MTMR10: variants seen among roughly 807,000 people sequenced by gnomAD.
MTMR10 encodes myotubularin related protein 10, also known as myotubularin-related protein 10.
Under a neutral mutation model 88.1 loss-of-function variants are expected in MTMR10, and 56 were observed. The ratio of observed to expected loss-of-function variants is 0.64; its 90% CI spans 0.51 to 0.79. MTMR10 has a LOEUF of 0.79. Ranked by LOEUF, MTMR10 falls within the 30% of genes least tolerant of loss-of-function variation. The pLI, the probability that MTMR10 is intolerant of heterozygous loss-of-function variation, is 0.00. For synonymous variants in MTMR10, 380 were observed against 340.9 expected, an observed-to-expected ratio of 1.11 and a Z score of -1.26; for missense variants, 883 against 924.7, an observed-to-expected ratio of 0.95 and a Z score of 0.58.
chr15:30,981,753 G>A (rs914362753), intron 2 of MTMR10, among the ~76,000 whole-genome samples: 1 of 152,080 alleles, frequency 6.6e-6, no homozygotes. Flanking sequence ...ATATTTCTAT[G>A]TTTAAAGAGC....
rs986167948 is a variant in MTMR10 at position 30,940,710 on chromosome 15, T to C, written c.*760A>G. The C allele has an allele frequency of 7.1e-6, 7 of 988,566 alleles. No individual in the cohort carries two copies. Among genetic ancestry groups the C allele is most frequent in the Non-Finnish European group, 8.4e-6 (7 of 832,246 alleles). 61.2% of individuals were successfully genotyped at this position (988,566 alleles called of 1,614,324 possible). A position where few individuals can be genotyped will look rare whatever the true frequency, so the allele number is the denominator to read the frequency against. ...ACAAGACTCTGGGGACTCCTGGCTATGAAGCTTAGTATGAAAAGCCTATTT... is the reference window on the plus strand; with the variant it reads ...ACAAGACTCTGGGGACTCCTGGCTACGAAGCTTAGTATGAAAAGCCTATTT... On this transcript the variant is annotated 3_prime_UTR_variant, in exon 16 of 16. Coordinates refer to ENST00000435680, the MANE Select transcript of MTMR10 (RefSeq NM_017762.3).
the MTMR10 span, among the ~76,000 whole-genome samples, chr15:30,933,914 TC>T: frequency 3.3e-5 from 5 of 152,110 alleles, no homozygotes; most frequent in African/African-American, 1.2e-4. Context: ...GCATGCACCA[TC>T]ATGCCCAGCT....
intron 7 of MTMR10, among the ~76,000 whole-genome samples, chr15:30,960,134 TAAC>T (rs1467326220): frequency 6.6e-6 from 1 of 152,164 alleles, no homozygotes; most frequent in African/African-American, 2.4e-5. Flanking sequence ...CTTAGTGAAA[TAAC>T]GATCTGAGCA....
At chr15:30,955,859 TAGG>T (rs1394055605) in intron 9 of MTMR10, among the ~76,000 whole-genome samples, 1 of 152,092 alleles carries the variant, frequency 6.6e-6, no homozygotes, top group African/African-American at 2.4e-5. Context: ...CCTCTATTCT[TAGG>T]AGAGAATGGG....
rs1566941643 is a variant in MTMR10, at chr15:30,941,294, C to CTCTTAAAATAAGTGTGAAAGAAGCATGAT, written c.*147_*175dup. The CTCTTAAAATAAGTGTGAAAGAAGCATGAT allele has an allele frequency of 1.3e-6, 2 of 1,514,102 alleles. No homozygotes were observed. The highest frequency in any genetic ancestry group is 2.5e-5 in the East Asian group (1 of 39,244). The allele number at this position is 1,514,102 out of a possible 1,614,324, so 93.8% of individuals were successfully genotyped here. A position where few individuals can be genotyped will look rare whatever the true frequency, so the allele number is the denominator to read the frequency against. ...GAGGACAGGAACAAAATTTACATCT[C>CTCTTAAAATAAGTGTGAAAGAAGCATGAT]TCTTAAAATAAGTGTGAAAGAAGCA... On this transcript the variant is annotated 3_prime_UTR_variant, in exon 16 of 16. Transcript: ENST00000435680.
intron 2 of MTMR10, among the ~76,000 whole-genome samples, chr15:30,979,137 C>G (rs2030373409): frequency 6.6e-6 from 1 of 152,142 alleles, no homozygotes; most frequent in African/African-American, 2.4e-5. Flanking sequence ...GACTTCTTTA[C>G]ACGGAATCAT....
chr15:30,965,701 C>G (rs891495040), intron 6 of MTMR10, among the ~76,000 whole-genome samples: 1 of 152,176 alleles, frequency 6.6e-6, no homozygotes, highest in Non-Finnish European at 1.5e-5. Flanking sequence ...AGGATATTCA[C>G]AGAAGTGTTG....
intron 9 of MTMR10, chr15:30,956,140 T>A (rs1012440333): frequency 1.3e-5 from 2 of 152,186 alleles, no homozygotes; most frequent in Non-Finnish European, 1.5e-5. Flanking sequence ...CTATGCACCT[T>A]TATGTGTATG....
Position 30,976,842 on chromosome 15 carries a change from T to C in MTMR10, c.235A>G (p.Thr79Ala), listed in dbSNP as rs2030190264. The C allele has an allele frequency of 1.2e-6, 2 of 1,613,810 alleles. No individual in the cohort carries two copies. The highest frequency in any genetic ancestry group is 1.3e-5 in the African/African-American group (1 of 74,932). ...ICSNFKISFITDDPMPLQKFH... is the reference protein window; with the variant it reads ...ICSNFKISFIADDPMPLQKFH... ...ACCTGTAATGGCATTGGGTCATCTGTAATAAAGGAGATTTTGAAGTTACTG... is the reference window on the plus strand; with the variant it reads ...ACCTGTAATGGCATTGGGTCATCTGCAATAAAGGAGATTTTGAAGTTACTG... The change falls in exon 3 of 16, where the codon ACA becomes GCA. Residue 79 changes from threonine to alanine, a missense_variant. Coordinates refer to ENST00000435680, the MANE Select transcript of MTMR10 (RefSeq NM_017762.3).
At chr15:30,942,643 A>G in intron 15 of MTMR10, 1 of 460,900 alleles carries the variant, frequency 2.2e-6, no homozygotes, top group Non-Finnish European at 3.8e-6. Context: ...ATGGGGCTTT[A>G]GTAAATCAGG....
At position 30,955,304 on chromosome 15, in the gene MTMR10, A is replaced by T. The variant is rs541434675; in HGVS notation, c.936-411T>A. 1.1e-3 allele frequency among the ~76,000 whole-genome samples: 161 copies of T among 152,186 alleles called. 2 individuals carry two copies. Among genetic ancestry groups the T allele is most frequent in the African/African-American group, 3.7e-3 (155 of 41,526 alleles). ...TTTTCTTTTTGAGACGGAGTCTCAT[A>T]CTGTCGCCCAGGCTGGAGTGCAGTG... On this transcript the variant is annotated intron_variant, in intron 9 of 15. Transcript: ENST00000435680.
intron 12 of MTMR10, chr15:30,950,485 C>G (rs2063228998): frequency 6.6e-6 from 1 of 152,096 alleles, no homozygotes; most frequent in African/African-American, 2.4e-5. Context: ...GCCTGGCCAA[C>G]AAGGTGAAAC....
intron 1 of MTMR10, 28 bp downstream of exon 1, chr15:30,991,419 C>A: frequency 4.1e-6 from 6 of 1,464,796 alleles, no homozygotes; most frequent in Non-Finnish European, 5.4e-6. Flanking sequence ...AGAGGAGAGT[C>A]GGGCGCTCGC....
At position 30,953,582 on chromosome 15, in the gene MTMR10, A is replaced by G. The variant is rs2063281049; in HGVS notation, c.1116T>C (p.Thr372=). 5 of 1,546,026 alleles carry G rather than the reference A, an allele frequency of 3.2e-6. No homozygotes were observed. In the East Asian group the frequency reaches 7.3e-5, roughly 23 times the overall value. The change falls in exon 11 of 16, where the codon ACT becomes ACC. Residue 372 remains threonine (T), a synonymous_variant. Coordinates refer to ENST00000435680, the MANE Select transcript of MTMR10 (RefSeq NM_017762.3). ...EEKWLSSLEN[T]RWLEYVRAFL... is the part of the protein sequence containing the mutation. ...CAAACCTTACATATTCTAACCATCG[A>G]GTATTTTCCAGTGAAGATAACCATT...
In MTMR10 at chr15:30,954,853, C is replaced by G. The variant is rs756761997; in HGVS notation, c.976G>C (p.Asp326His). 3 of 1,572,766 alleles carry G rather than the reference C, an allele frequency of 1.9e-6. No individual in the cohort carries two copies. The South Asian group carries it at 3.5e-5, about 18-fold the overall frequency. The change falls in exon 10 of 16, where the codon GAT becomes CAT. Residue 326 changes from aspartate (D) to histidine (H), a missense_variant. Physicochemically the swap from Asp to His is moderately conservative, Grantham distance 81 (BLOSUM62 -1). Coordinates refer to ENST00000435680, the MANE Select transcript of MTMR10 (RefSeq NM_017762.3). ...TTATCCAAATCTGATTTGTAAACAT[C>G]ACTTCTCTGTGGGTGACTTTTAGTT... ...AITKSHPQRS[D>H]VYKSDLDKTL...
At chr15:30,961,297 G>C (rs2063398739) in intron 6 of MTMR10, among the ~76,000 whole-genome samples, 1 of 151,456 alleles carries the variant, frequency 6.6e-6, no homozygotes, top group Non-Finnish European at 1.5e-5. Flanking sequence ...GCACTGGCAT[G>C]ATCTCGGCTG....
chr15:30,942,174 A>G, intron 15 of MTMR10, 102 bp from the exon 16 acceptor site: 1 of 1,356,874 alleles, frequency 7.4e-7, no homozygotes, highest in Non-Finnish European at 1.0e-6. Flanking sequence ...AATTAATGGA[A>G]TTTCAGCCTC....
chr15:30,956,921 T>C (rs2063335386), intron 9 of MTMR10, among the ~76,000 whole-genome samples: 1 of 152,186 alleles, frequency 6.6e-6, no homozygotes, highest in African/African-American at 2.4e-5. Flanking sequence ...TAATTCCAAA[T>C]GGAGTTCAGG....
In MTMR10 at chr15:30,991,447, C is replaced by T; in HGVS notation, c.60G>A (p.Gln20=). Reference sequence around the variant, plus strand: ...GCGCTCGCGGGGAGGGGTTGTTTACCTGGGGCGGTGGCAGGAGGTAGGACC... The same window carrying T: ...GCGCTCGCGGGGAGGGGTTGTTTACTTGGGGCGGTGGCAGGAGGTAGGACC... ...TFRSYLLPPP[Q]TDDKINSEPK... The change falls in exon 1 of 16, where the codon CAG becomes CAA. Residue 20 remains glutamine, a splice_region_variant and synonymous_variant. Transcript: ENST00000435680. 2 of 1,495,720 alleles carry T rather than the reference C, an allele frequency of 1.3e-6. No homozygotes were observed. Among genetic ancestry groups the T allele is most frequent in the South Asian group, 1.3e-5 (1 of 74,988 alleles). 92.7% of individuals were successfully genotyped at this position (1,495,720 alleles called of 1,614,324 possible).
Sources: gnomAD v4.1 joint callset for allele counts (sites outside exome capture counted in the v4.1 genomes callset) on GRCh38, gnomAD v4.1.1 for gene constraint, MANE v1.5 for transcripts, NCBI Gene and HGNC (gene_info 2026-07-23, HGNC 2026-07-21) for gene names.